The following CTNND2 variants were observed in gnomAD, a reference collection of about 807,000 sequenced individuals.
The protein encoded by CTNND2 is catenin delta 2.
In CTNND2, 22 loss-of-function variants were observed where a neutral mutation model predicts 144.4. That is an observed-to-expected ratio of 0.15 (90% CI 0.11 to 0.22). The LOEUF (loss-of-function observed/expected upper bound fraction) is 0.22. CTNND2 is among the 10% of genes least tolerant of loss of function. The probability of loss-of-function intolerance (pLI) is 1.00; values close to 1 mark genes in which losing one functional copy is unlikely to be tolerated. For missense variants in CTNND2, 1,353 were observed against 1,618.8 expected, an observed-to-expected ratio of 0.84 and a Z score of 2.82; for synonymous variants, 751 against 695.6, an observed-to-expected ratio of 1.08 and a Z score of -1.25.
intron 2 of CTNND2, among the ~76,000 whole-genome samples, chr5:11,641,602 A>G (rs1299820230): frequency 2.1e-5 from 3 of 140,324 alleles, no homozygotes; most frequent in Admixed American, 1.4e-4. Context: ...ACGTGTGTGT[A>G]TATACATATA....
rs1388075151 is a variant in CTNND2 at position 11,518,010 on chromosome 5, C to T, written c.287+46934G>A. Among the ~76,000 whole-genome samples, 5 of 151,926 alleles carry T rather than the reference C, an allele frequency of 3.3e-5. No homozygotes were observed. In the South Asian group the frequency reaches 8.3e-4, roughly 25 times the overall value. The stretch of plus-strand genomic sequence containing the variant: ...AAGCAGAGAGTGGAAAGGTGGTTAC[C>T]GGGCATTGGTGGAACGGGGCAATGG... On this transcript the variant is annotated intron_variant, in intron 3 of 21. Transcript: ENST00000304623.
At position 11,485,345 on chromosome 5, in the gene CTNND2, C is replaced by CTGTGTGTGTGTGTG. The variant is rs375624492; in HGVS notation, c.288-73290_288-73277dup. 4.2e-3 allele frequency among the ~76,000 whole-genome samples: 632 copies of CTGTGTGTGTGTGTG among 148,788 alleles called. 4 individuals are homozygous for CTGTGTGTGTGTGTG. The highest frequency in any genetic ancestry group is 0.015 in the African/African-American group (601 of 40,042). Reference sequence around the variant, plus strand: ...CTTAACAGAGAGAGAGAGACAGAGACTGTGTGTGTGTGTGTGTGTGTGTGT... The same window carrying CTGTGTGTGTGTGTG: ...CTTAACAGAGAGAGAGAGACAGAGACTGTGTGTGTGTGTGTGTGTGTGTGTGTGTGTGTGTGTGT... On this transcript the variant is annotated intron_variant, in intron 3 of 21. Coordinates refer to ENST00000304623, the MANE Select transcript of CTNND2 (RefSeq NM_001332.4).
intron 16 of CTNND2, among the ~76,000 whole-genome samples, chr5:11,057,531 C>T (rs1746462764): frequency 6.6e-6 from 1 of 152,236 alleles, no homozygotes; most frequent in Non-Finnish European, 1.5e-5. Context: ...GCCTCCCCAG[C>T]CATGTGGAGC....
At chr5:11,585,955 G>A (rs1305169300) in intron 2 of CTNND2, among the ~76,000 whole-genome samples, 1 of 152,126 alleles carries the variant, frequency 6.6e-6, no homozygotes, top group East Asian at 1.9e-4. Flanking sequence ...CTCTGCAGGA[G>A]CAAAAAGTGA....
chr5:11,626,316 T>G lies in CTNND2; in HGVS notation c.175-61260A>C, dbSNP rs529320580. Among the ~76,000 whole-genome samples the G allele has an allele frequency of 2.0e-5, 3 of 152,320 alleles. No homozygotes were observed. In the East Asian group the frequency reaches 5.8e-4, roughly 29 times the overall value. Reference sequence around the variant, plus strand: ...GCTGATTGCTTGTTGTGCTTACTGATTACCTCATTTAAAGTTTTAAATTGC... The same window carrying G: ...GCTGATTGCTTGTTGTGCTTACTGAGTACCTCATTTAAAGTTTTAAATTGC... On this transcript the variant is annotated intron_variant, in intron 2 of 21. Transcript: ENST00000304623.
At position 11,192,736 on chromosome 5, in the gene CTNND2, C is replaced by T. The variant is rs537658354; in HGVS notation, c.1975+6712G>A. On this transcript the variant is annotated intron_variant, in intron 11 of 21. Coordinates refer to ENST00000304623, the MANE Select transcript of CTNND2 (RefSeq NM_001332.4). ...GAGCGTCCTGAAAGCAACACAGCCC[C>T]GGTGACAGCTGGATTGTAGCCAGGT... is the stretch of plus-strand genomic sequence containing the variant. Among the ~76,000 whole-genome samples, 20 of 152,250 alleles carry T rather than the reference C, an allele frequency of 1.3e-4. No homozygotes were observed. In the East Asian group the frequency reaches 3.1e-3, roughly 24 times the overall value.
chr5:11,692,285 A>T (rs1177384206), intron 2 of CTNND2, among the ~76,000 whole-genome samples: 1 of 151,190 alleles, frequency 6.6e-6, no homozygotes, highest in Non-Finnish European at 1.5e-5. Context: ...AACAAAAAAA[A>T]ATTTTAAAAA....
chr5:11,342,272 AC>A (rs1348987951), intron 9 of CTNND2, among the ~76,000 whole-genome samples: 1 of 152,232 alleles, frequency 6.6e-6, no homozygotes, highest in Non-Finnish European at 1.5e-5. Flanking sequence ...GAAACAGCAC[AC>A]AAAATATAGT....
intron 2 of CTNND2, among the ~76,000 whole-genome samples, chr5:11,607,730 A>T (rs1780120574): frequency 6.6e-6 from 1 of 152,220 alleles, no homozygotes. Flanking sequence ...AGACCTGTTA[A>T]TAATGTCAAA....
chr5:11,357,321 A>G (rs929046029), intron 8 of CTNND2, among the ~76,000 whole-genome samples: 1 of 152,158 alleles, frequency 6.6e-6, no homozygotes, highest in Admixed American at 6.5e-5. Flanking sequence ...AATGTAACAC[A>G]TATACAAAAC....
intron 9 of CTNND2, among the ~76,000 whole-genome samples, chr5:11,342,804 T>C (rs771064445): frequency 6.6e-6 from 1 of 152,218 alleles, no homozygotes; most frequent in Non-Finnish European, 1.5e-5. Flanking sequence ...ACTACCAACA[T>C]GACTGACACT....
chr5:11,070,922 G>A (rs968884922), intron 16 of CTNND2, among the ~76,000 whole-genome samples: 11 of 151,764 alleles, frequency 7.2e-5, no homozygotes, highest in African/African-American at 2.7e-4. Flanking sequence ...AGAGGTCTTA[G>A]ATATAGTGTG....
intron 3 of CTNND2, among the ~76,000 whole-genome samples, chr5:11,424,486 C>CAT (rs1762616834): frequency 1.3e-5 from 2 of 151,972 alleles, no homozygotes; most frequent in African/African-American, 4.8e-5. Flanking sequence ...CATACACACA[C>CAT]ATCAGTGCAT....
chr5:11,720,234 G>GAACA (rs1245419846), intron 2 of CTNND2, among the ~76,000 whole-genome samples: 1 of 152,036 alleles, frequency 6.6e-6, no homozygotes, highest in African/African-American at 2.4e-5. Flanking sequence ...TCTACCTTAT[G>GAACA]AACACATCCC....
chr5:11,271,617 C>T (rs1746019271), intron 9 of CTNND2, among the ~76,000 whole-genome samples: 1 of 152,084 alleles, frequency 6.6e-6, no homozygotes, highest in South Asian at 2.1e-4. Flanking sequence ...AGAATGGGTC[C>T]CACTGCCATT....
intron 9 of CTNND2, among the ~76,000 whole-genome samples, chr5:11,309,310 G>A (rs956172900): frequency 6.6e-6 from 1 of 152,178 alleles, no homozygotes; most frequent in African/African-American, 2.4e-5. Context: ...GCTGTACCCT[G>A]CAGAGCCACA....
intron 1 of CTNND2, among the ~76,000 whole-genome samples, chr5:11,879,352 T>TATATATATAC (rs1553988803): frequency 7.3e-6 from 1 of 137,204 alleles, no homozygotes; most frequent in Non-Finnish European, 1.6e-5. Flanking sequence ...TATATATATA[T>TATATATATAC]ATATACATAT....
intron 3 of CTNND2, among the ~76,000 whole-genome samples, chr5:11,490,730 A>G (rs1413031567): frequency 1.3e-5 from 2 of 152,248 alleles, no homozygotes; most frequent in African/African-American, 4.8e-5. Flanking sequence ...ATTAATGAAT[A>G]TATCAGGATT....
chr5:11,351,384 T>C (rs1405158818), intron 8 of CTNND2, among the ~76,000 whole-genome samples: 1 of 152,194 alleles, frequency 6.6e-6, no homozygotes, highest in African/African-American at 2.4e-5. Context: ...CACTGGTCTC[T>C]TCGGGAGATA....
Sources: allele counts gnomAD v4.1 joint callset (sites outside exome capture counted in the v4.1 genomes callset), GRCh38; gene constraint gnomAD v4.1.1; transcripts MANE v1.5; gene names NCBI Gene and HGNC (gene_info 2026-07-23, HGNC 2026-07-21).